SPTAN1: variants seen among roughly 807,000 people sequenced by gnomAD.
SPTAN1 encodes the protein spectrin alpha, non-erythrocytic 1.
SPTAN1 carries 61 observed loss-of-function variants against 331.3 expected under a neutral mutation model. The observed-to-expected ratio is 0.18, with a 90% confidence interval of 0.15 to 0.23. The LOEUF is 0.23. Among genes scored for constraint, SPTAN1 ranks in the 10% least tolerant of loss-of-function variants. SPTAN1 has a pLI of 1.00. For missense variants in SPTAN1, 2,043 were observed against 3,147.9 expected, an observed-to-expected ratio of 0.65 and a Z score of 8.40; for synonymous variants, 1,153 against 1,173.9, an observed-to-expected ratio of 0.98 and a Z score of 0.36.
intron 24 of SPTAN1, among the ~76,000 whole-genome samples, chr9:128,595,567 AT>A (rs1218860676): frequency 6.6e-6 from 1 of 152,050 alleles, no homozygotes; most frequent in Non-Finnish European, 1.5e-5. Flanking sequence ...ATTGGGGTAA[AT>A]TCACAAAGCT....
intron 3 of SPTAN1, among the ~76,000 whole-genome samples, chr9:128,570,677 A>G (rs1850607048): frequency 6.7e-6 from 1 of 148,352 alleles, no homozygotes; most frequent in South Asian, 2.1e-4. Flanking sequence ...TATTTTTGAG[A>G]TGGAGTTTTG....
chr9:128,628,370 G>A, intron 51 of SPTAN1: 1 of 366,182 alleles, frequency 2.7e-6, no homozygotes, highest in Non-Finnish European at 5.3e-6. Context: ...GCTCAGGCAG[G>A]GTACAGTAAG....
Position 128,566,752 on chromosome 9 carries a change from T to C in SPTAN1, c.12T>C (p.Ser4=). Reference sequence around the variant, plus strand: ...TGTCATTTCAGAAAATGGACCCAAGTGGGGTCAAAGTGCTGGAAACAGCAG... The same window carrying C: ...TGTCATTTCAGAAAATGGACCCAAGCGGGGTCAAAGTGCTGGAAACAGCAG... The part of the protein sequence containing the change: MDP[S]GVKVLETAED... Residue 4 remains serine (S), a synonymous_variant, in exon 2 of 57, where the codon AGT becomes AGC. Coordinates refer to ENST00000372739, the MANE Select transcript of SPTAN1 (RefSeq NM_001130438.3). 1 of 1,614,138 alleles carries C rather than the reference T, an allele frequency of 6.2e-7. No individual in the cohort carries two copies.
At chr9:128,564,333 T>C (rs1260299855) in intron 1 of SPTAN1, among the ~76,000 whole-genome samples, 7 of 151,568 alleles carry the variant, frequency 4.6e-5, no homozygotes, top group Non-Finnish European at 2.9e-5. Flanking sequence ...GCAGGAGAAT[T>C]GCTTGAACCC....
chr9:128,557,517 G>C (rs568307655), intron 1 of SPTAN1, among the ~76,000 whole-genome samples: 3 of 152,134 alleles, frequency 2.0e-5, no homozygotes, highest in Admixed American at 1.3e-4. Flanking sequence ...CAAGAAGATA[G>C]AGCTATATAT....
Position 128,578,054 on chromosome 9 carries a change from T to C in SPTAN1, c.1086-56T>C, listed in dbSNP as rs1589191431. ...AGAATTCAGAGCTTTAGGGAGGCCA[T>C]TTTCCACCCTGGAACCTCCGCTGGA... On this transcript the variant is annotated intron_variant, in intron 8 of 56. Transcript: ENST00000372739. The C allele has an allele frequency of 1.9e-6, 3 of 1,606,402 alleles. No individual in the cohort carries two copies. In the East Asian group the frequency reaches 6.7e-5, roughly 36 times the overall value.
intron 23 of SPTAN1, chr9:128,593,795 C>G: frequency 7.0e-6 from 2 of 283,906 alleles, no homozygotes; most frequent in South Asian, 8.1e-5. Flanking sequence ...ACAGAAAAAC[C>G]CTCTGTATAC....
Position 128,582,514 on chromosome 9 carries a change from C to T in SPTAN1, c.1608C>T (p.Asn536=), listed in dbSNP as rs1232400211. 9.3e-6 allele frequency: 15 copies of T among 1,614,056 alleles called. No individual in the cohort carries two copies. The highest frequency in any genetic ancestry group is 1.3e-5 in the African/African-American group (1 of 74,934). The change falls in exon 13 of 57, where the codon AAC becomes AAT. Residue 536 remains asparagine (N), a synonymous_variant. Coordinates refer to ENST00000372739, the MANE Select transcript of SPTAN1 (RefSeq NM_001130438.3). ...LDEFATKLIQ[N]NHYAMEDVAT... Reference sequence around the variant, plus strand: ...AATTTGCAACCAAGCTAATTCAGAACAACCACTATGCAATGGAAGATGTGG... The same window carrying T: ...AATTTGCAACCAAGCTAATTCAGAATAACCACTATGCAATGGAAGATGTGG...
chr9:128,628,155 G>A (rs748437388), intron 51 of SPTAN1: 3 of 743,850 alleles, frequency 4.0e-6, no homozygotes, highest in Non-Finnish European at 7.3e-6. Flanking sequence ...TCAAGCCAGG[G>A]GGAGCCGTCC....
chr9:128,593,955 C>G, intron 23 of SPTAN1: 1 of 573,586 alleles, frequency 1.7e-6, no homozygotes, highest in East Asian at 3.2e-5. Flanking sequence ...GTTCTAGCCA[C>G]CTGGTTGTGA....
chr9:128,578,112 T>G lies in SPTAN1; in HGVS notation c.1088T>G (p.Leu363Arg). 6.2e-7 allele frequency: 1 copy of G among 1,614,180 alleles called. No homozygotes were observed. Among genetic ancestry groups the G allele is most frequent in the Middle Eastern group, 1.6e-4 (1 of 6,062 alleles). ...RHARLNDSYR[L>R]QRFLADFRDL... ...TGTCTTCCTTTGGTTTTCCCTAGGC[T>G]TCAACGCTTCCTTGCTGACTTCCGT... is the stretch of plus-strand genomic sequence containing the variant. The change falls in exon 9 of 57, where the codon CTT becomes CGT. Residue 363 changes from leucine to arginine, a missense_variant and splice_region_variant. Leu to Arg is a moderately radical substitution (Grantham distance 102). This residue lies in a region of SPTAN1 where 1,038 missense variants were observed against 1,531.5 expected (regional missense o/e 0.68). Transcript: ENST00000372739.
chr9:128,583,723 C>A, intron 15 of SPTAN1, 65 bp from the exon 16 acceptor site: 2 of 1,543,280 alleles, frequency 1.3e-6, no homozygotes, highest in Non-Finnish European at 1.8e-6. Context: ...TACTACTGTT[C>A]ATGGGCAGTG....
rs1481695863 is a variant in SPTAN1, at chr9:128,585,952, A to G, written c.2765A>G (p.Glu922Gly). 6.2e-7 allele frequency: 1 copy of G among 1,612,612 alleles called. No homozygotes were observed. Among genetic ancestry groups the G allele is most frequent in the Non-Finnish European group, 8.5e-7 (1 of 1,180,022 alleles). The change falls in exon 19 of 57, where the codon GAA becomes GGA. Residue 922 changes from glutamate to glycine, a missense_variant. Glu to Gly is a moderately conservative substitution (Grantham distance 98, BLOSUM62 -2). Around this residue, in one of 12 missense-constraint regions of SPTAN1, gnomAD observed 1,038 missense variants for 1,531.5 expected, o/e 0.68. Coordinates refer to ENST00000372739, the MANE Select transcript of SPTAN1 (RefSeq NM_001130438.3). ...GGCAGCACTGACTATGGCAAGGACG[A>G]AGACTCTGCTGAGGTAACCAGGCGT... ...IVGSTDYGKD[E>G]DSAEALLKKH... is the part of the protein sequence containing the mutation.
Position 128,633,612 on chromosome 9 carries a change from C to G in SPTAN1, c.*278C>G. 1.6e-6 allele frequency: 2 copies of G among 1,213,870 alleles called. No individual in the cohort carries two copies. The highest frequency in any genetic ancestry group is 4.1e-5 in the Admixed American group (2 of 48,202). The allele number at this position is 1,213,870 out of a possible 1,614,324, so 75.2% of individuals were successfully genotyped here. On this transcript the variant is annotated 3_prime_UTR_variant, in exon 57 of 57. Coordinates refer to ENST00000372739, the MANE Select transcript of SPTAN1 (RefSeq NM_001130438.3). ...TCCCCTTGTTCTCTCTCCCACCCTC[C>G]CCCAAATCTGTTTTCATGTAAAAGA...
At chr9:128,578,040 C>T in intron 8 of SPTAN1, 70 bp from the exon 9 acceptor site, 1 of 1,553,940 alleles carries the variant, frequency 6.4e-7, no homozygotes, top group Admixed American at 1.7e-5. Flanking sequence ...GAATTCAGAG[C>T]TTTAGGGAGG....
intron 43 of SPTAN1, among the ~76,000 whole-genome samples, chr9:128,618,322 T>C (rs964181465): frequency 2.6e-5 from 4 of 152,126 alleles, no homozygotes; most frequent in African/African-American, 9.7e-5. Flanking sequence ...GAGTCCAGAA[T>C]CATACATGTT....
Position 128,605,471 on chromosome 9 carries a change from A to C in SPTAN1, c.4040A>C (p.Asp1347Ala), listed in dbSNP as rs761540895. 2.5e-6 allele frequency: 4 copies of C among 1,614,036 alleles called. No homozygotes were observed. Among genetic ancestry groups the C allele is most frequent in the Non-Finnish European group, 3.4e-6 (4 of 1,179,982 alleles). Residue 1347 changes from aspartate (D) to alanine (A), a missense_variant, in exon 31 of 57, where the codon GAT becomes GCT. Physicochemically the swap from Asp to Ala is moderately radical, Grantham distance 126. Around this residue, in one of 12 missense-constraint regions of SPTAN1, gnomAD observed 179 missense variants for 215.7 expected, o/e 0.83. Coordinates refer to ENST00000372739, the MANE Select transcript of SPTAN1 (RefSeq NM_001130438.3). ...CACGACCTGCAGCGCTTCCTTAGCG[A>C]TTTCCGGTACGGAGCCATGTTCACT... ...DSHDLQRFLS[D>A]FRDLMSWING...
chr9:128,607,500 G>C, intron 31 of SPTAN1, 104 bp from the exon 32 acceptor site: 1 of 1,026,996 alleles, frequency 9.7e-7, no homozygotes, highest in African/African-American at 1.6e-5. Flanking sequence ...ATTAACCCAA[G>C]ATAACTTTCT....
chr9:128,624,507 C>T lies in SPTAN1; in HGVS notation c.5992+20C>T. On this transcript the variant is annotated intron_variant, in intron 46 of 56. Transcript: ENST00000372739. ...GGATCGGTGAGCACTGTCAGCAAGG[C>T]CCGGAAGAGCCTTCCCAGAGCTGCT... The T allele has an allele frequency of 1.2e-6, 2 of 1,611,828 alleles. No individual in the cohort carries two copies. The highest frequency in any genetic ancestry group is 1.1e-5 in the South Asian group (1 of 90,958).
Sources: allele counts gnomAD v4.1 joint callset (sites outside exome capture counted in the v4.1 genomes callset), GRCh38; gene constraint gnomAD v4.1.1; regional missense constraint gnomAD v4.1.1; transcripts MANE v1.5; gene names NCBI Gene and HGNC (gene_info 2026-07-23, HGNC 2026-07-21).